Variants in URB1 observed in about 807,000 individuals in gnomAD.
URB1 encodes nucleolar pre-ribosomal-associated protein 1.
In URB1, 197 loss-of-function variants were observed where a neutral mutation model predicts 242.3. That is an observed-to-expected ratio of 0.81 (90% CI 0.72 to 0.91). The LOEUF (loss-of-function observed/expected upper bound fraction) is 0.91. URB1 is among the 40% of genes least tolerant of loss of function. URB1 has a pLI of 0.00. For synonymous variants in URB1, 1,153 were observed against 1,201.8 expected, an observed-to-expected ratio of 0.96 and a Z score of 0.84; for missense variants, 2,721 against 2,860.5, an observed-to-expected ratio of 0.95 and a Z score of 1.11.
Position 32,349,310 on chromosome 21 carries a change from A to T in URB1, c.3006T>A (p.Asn1002Lys). The T allele has an allele frequency of 1.3e-6, 2 of 1,541,760 alleles. No homozygotes were observed. The highest frequency in any genetic ancestry group is 1.8e-6 in the Non-Finnish European group (2 of 1,142,086). The change falls in exon 21 of 39, where the codon AAT (asparagine) becomes AAA (lysine). Residue 1002 changes from asparagine (N) to lysine (K), a missense_variant. Asn to Lys is a moderately conservative substitution (Grantham distance 94). Transcript: ENST00000382751. ...MESVASLELANDQTLEEVLVA... is the reference protein window; with the variant it reads ...MESVASLELAKDQTLEEVLVA... ...AGGCAACCTGTGGCGGTACCTGATC[A>T]TTGGCCAACTCCAGCGAGGCCACGG...
In URB1 at chr21:32,319,619, A is replaced by T. The variant is rs150341313; in HGVS notation, c.5595-205T>A. Among the ~76,000 whole-genome samples, 521 of 152,304 alleles carry T rather than the reference A, an allele frequency of 3.4e-3. 14 individuals are homozygous for T. Among genetic ancestry groups the T allele is most frequent in the Admixed American group, 0.031 (473 of 15,306 alleles). On this transcript the variant is annotated intron_variant, in intron 35 of 38. Coordinates refer to ENST00000382751, the MANE Select transcript of URB1 (RefSeq NM_014825.3). Reference sequence around the variant, plus strand: ...GAAGATTGCCCTAAGTCCCTCCAAAAATTCAGGAGCCGCTGGGGCACACTA... The same window carrying T: ...GAAGATTGCCCTAAGTCCCTCCAAATATTCAGGAGCCGCTGGGGCACACTA...
At chr21:32,325,130 G>A (rs1319134163) in intron 31 of URB1, 99 bp downstream of exon 31, 11 of 1,385,920 alleles carry the variant, frequency 7.9e-6, no homozygotes, top group Non-Finnish European at 1.1e-5. Context: ...CCACCTCCGT[G>A]TTCCCTAGTA....
Position 32,372,651 on chromosome 21 carries a change from A to T in URB1, c.877-20T>A, listed in dbSNP as rs1471794315. The T allele has an allele frequency of 3.2e-6, 5 of 1,543,326 alleles. No individual in the cohort carries two copies. Among genetic ancestry groups the T allele is most frequent in the Non-Finnish European group, 4.4e-6 (5 of 1,144,812 alleles). ...AGAAACCTATGAAGATTTTTTAAAA[A>T]TTCAATGAAAATCCCAAGCTCATAC... On this transcript the variant is annotated intron_variant, in intron 7 of 38. Coordinates refer to ENST00000382751, the MANE Select transcript of URB1 (RefSeq NM_014825.3).
chr21:32,319,316 C>T lies in URB1; in HGVS notation c.5693G>A (p.Arg1898His), dbSNP rs1287941853. 7.1e-6 allele frequency: 11 copies of T among 1,551,280 alleles called. No homozygotes were observed. Among genetic ancestry groups the T allele is most frequent in the Admixed American group, 2.0e-5 (1 of 50,948 alleles). ...GDKAVEWESQ[R>H]LCQPSSQEPA... The stretch of plus-strand genomic sequence containing the variant: ...CTCCTGGGAGCTAGGCTGGCAAAGG[C>T]GCTGGCTCTCCCACTCCACTGCCTT... The change falls in exon 36 of 39, where the codon CGC becomes CAC. Residue 1898 changes from arginine (R) to histidine (H), a missense_variant. By Grantham distance (29) the Arg-to-His change is conservative. Coordinates refer to ENST00000382751, the MANE Select transcript of URB1 (RefSeq NM_014825.3).
chr21:32,392,954 G>C lies in URB1; in HGVS notation c.-44C>G. 1 of 1,454,510 alleles carries C rather than the reference G, an allele frequency of 6.9e-7. No individual in the cohort carries two copies. Among genetic ancestry groups the C allele is most frequent in the Non-Finnish European group, 9.1e-7 (1 of 1,103,154 alleles). 90.1% of individuals were successfully genotyped at this position (1,454,510 alleles called of 1,614,324 possible). ...GCGACGGAAACGACACACCTGAGGG[G>C]ACCCGGCAGGAGCACTGGCACAGAC... On this transcript the variant is annotated 5_prime_UTR_variant, in exon 1 of 39. Coordinates refer to ENST00000382751, the MANE Select transcript of URB1 (RefSeq NM_014825.3).
At chr21:32,339,411 T>C (rs1568815816) in intron 25 of URB1, among the ~76,000 whole-genome samples, 1 of 152,046 alleles carries the variant, frequency 6.6e-6, no homozygotes, top group African/African-American at 2.4e-5. Flanking sequence ...CATAGCTCTA[T>C]CACAGTCTTG....
At chr21:32,354,242 T>C (rs578035652) in intron 17 of URB1, 139 bp from the exon 18 acceptor site, 1 of 945,470 alleles carries the variant, frequency 1.1e-6, no homozygotes, top group Non-Finnish European at 1.6e-6. Context: ...TTTAACATAG[T>C]TTGACCCTAA....
intron 35 of URB1, among the ~76,000 whole-genome samples, chr21:32,320,113 C>T (rs558046965): frequency 9.3e-4 from 141 of 152,338 alleles, no homozygotes; most frequent in African/African-American, 3.2e-3. Flanking sequence ...ACAGCAGAGC[C>T]CTGTCACCCG....
chr21:32,334,405 A>C (rs540740268), intron 28 of URB1, 71 bp from the exon 29 acceptor site: 9 of 1,462,918 alleles, frequency 6.2e-6, no homozygotes, highest in Non-Finnish European at 7.3e-6. Flanking sequence ...TGATAACAAC[A>C]ACAGGTAGCA....
At position 32,312,286 on chromosome 21, in the gene URB1, G is replaced by T; in HGVS notation, c.*2632C>A. The T allele has an allele frequency of 7.4e-7, 1 of 1,358,742 alleles. No individual in the cohort carries two copies. The highest frequency in any genetic ancestry group is 1.5e-5 in the African/African-American group (1 of 68,318). The allele number at this position is 1,358,742 out of a possible 1,614,324, so 84.2% of individuals were successfully genotyped here. ...AAATAAAATATATGCAAATCAAGAGGAAAAGCTGTTTGCTTACTAATCTTT... is the reference window on the plus strand; with the variant it reads ...AAATAAAATATATGCAAATCAAGAGTAAAAGCTGTTTGCTTACTAATCTTT... On this transcript the variant is annotated 3_prime_UTR_variant, in exon 39 of 39. Coordinates refer to ENST00000382751, the MANE Select transcript of URB1 (RefSeq NM_014825.3).
chr21:32,312,428 C>T lies in URB1; in HGVS notation c.*2490G>A, dbSNP rs1302666106. 6.6e-6 allele frequency: 5 copies of T among 754,984 alleles called. No individual in the cohort carries two copies. The highest frequency in any genetic ancestry group is 8.8e-6 in the Non-Finnish European group (5 of 571,048). 46.8% of individuals were successfully genotyped at this position (754,984 alleles called of 1,614,324 possible). ...CCATCCAAGCTCCACTAACACCCGC[C>T]GGCTCCCCCAGATGTGATGGCATCT... On this transcript the variant is annotated 3_prime_UTR_variant, in exon 39 of 39. Transcript: ENST00000382751.
chr21:32,345,130 T>TC (rs2033071396), intron 23 of URB1, among the ~76,000 whole-genome samples: 1 of 152,028 alleles, frequency 6.6e-6, no homozygotes, highest in Non-Finnish European at 1.5e-5. Flanking sequence ...TTGTCAATTG[T>TC]CCCCTGGGAG....
intron 30 of URB1, among the ~76,000 whole-genome samples, chr21:32,329,783 C>G (rs1482700712): frequency 1.3e-5 from 2 of 152,160 alleles, no homozygotes; most frequent in Non-Finnish European, 2.9e-5. Context: ...TATCTGGACC[C>G]AGATGCCACC....
In URB1 at chr21:32,311,906, C is replaced by T. The variant is rs769078228; in HGVS notation, c.*3012G>A. 14 of 1,613,814 alleles carry T rather than the reference C, an allele frequency of 8.7e-6. No homozygotes were observed. In the East Asian group the frequency reaches 3.1e-4, roughly 36 times the overall value. On this transcript the variant is annotated 3_prime_UTR_variant, in exon 39 of 39. Transcript: ENST00000382751. Reference sequence around the variant, plus strand: ...GTTTCCAGACCCACCCCACTCTCCTCTGGGAACTGACCCTCAATGGGGGTC... The same window carrying T: ...GTTTCCAGACCCACCCCACTCTCCTTTGGGAACTGACCCTCAATGGGGGTC...
rs142875603 is a variant in URB1, at chr21:32,343,440, T to C, written c.4257+1130A>G. On this transcript the variant is annotated intron_variant, in intron 24 of 38. Transcript: ENST00000382751. ...CAGTTGACACACTATATGATTATACTGCACGGTTCCAAGTATACAAAGGTC... is the reference window on the plus strand; with the variant it reads ...CAGTTGACACACTATATGATTATACCGCACGGTTCCAAGTATACAAAGGTC... Among the ~76,000 whole-genome samples the C allele has an allele frequency of 5.4e-4, 83 of 152,302 alleles. No homozygotes were observed. The East Asian group carries it at 0.015, about 27-fold the overall frequency.
chr21:32,390,471 T>C (rs1272054348), intron 1 of URB1, among the ~76,000 whole-genome samples: 1 of 103,822 alleles, frequency 9.6e-6, no homozygotes, highest in Non-Finnish European at 1.8e-5. Flanking sequence ...TTGATGGGGT[T>C]TTTTTTTTTC....
rs1458344760 is a variant in URB1 at position 32,319,382 on chromosome 21, A to T, written c.5627T>A (p.Ile1876Asn). Residue 1876 changes from isoleucine to asparagine, a missense_variant, in exon 36 of 39, where the codon ATC (isoleucine) becomes AAC (asparagine). Ile to Asn is a moderately radical substitution (Grantham distance 149, BLOSUM62 -3). Transcript: ENST00000382751. ...FLETPLLSNV[I>N]SLLHTLWVTN... ...CACCCACAGTGTGTGTAGCAAGGAG[A>T]TCACATTAGACAGCAGCGGAGTCTC... is the stretch of plus-strand genomic sequence containing the variant. 8 of 1,544,634 alleles carry T rather than the reference A, an allele frequency of 5.2e-6. No individual in the cohort carries two copies. Among genetic ancestry groups the T allele is most frequent in the Non-Finnish European group, 7.0e-6 (8 of 1,144,538 alleles).
rs2033263275 is a variant in URB1, at chr21:32,359,776, C to A, written c.1869+20G>T. On this transcript the variant is annotated intron_variant, in intron 14 of 38. Transcript: ENST00000382751. ...CAGCAGGTAAGCTTAGGGCAGAAGA[C>A]TGGGAGTTCTGCTTCCTACCTGTGC... 5.9e-6 allele frequency: 9 copies of A among 1,530,318 alleles called. No individual in the cohort carries two copies. The highest frequency in any genetic ancestry group is 7.9e-6 in the Non-Finnish European group (9 of 1,140,894). 94.8% of individuals were successfully genotyped at this position (1,530,318 alleles called of 1,614,324 possible).
intron 12 of URB1, among the ~76,000 whole-genome samples, 197 bp downstream of exon 12, chr21:32,361,695 A>C (rs1188159723): frequency 6.6e-6 from 1 of 152,228 alleles, no homozygotes; most frequent in African/African-American, 2.4e-5. Context: ...CGTTTCTAAC[A>C]GATACTAAAA....
Sources: gnomAD v4.1 joint callset for allele counts (sites outside exome capture counted in the v4.1 genomes callset) on GRCh38, gnomAD v4.1.1 for gene constraint, MANE v1.5 for transcripts, NCBI Gene and HGNC (gene_info 2026-07-23, HGNC 2026-07-21) for gene names.